The following ITPR2 variants were observed in gnomAD, a reference collection of about 807,000 sequenced individuals.
ITPR2 encodes the protein inositol 1,4,5-trisphosphate receptor type 2.
Under a neutral mutation model 317.1 loss-of-function variants are expected in ITPR2, and 207 were observed. The observed-to-expected ratio is 0.65, with a 90% CI of 0.58 to 0.73. The LOEUF is 0.73. ITPR2 is among the 30% of genes least tolerant of loss of function. The pLI is 0.00. For synonymous variants in ITPR2, 1,156 were observed against 1,149.1 expected (o/e 1.01, Z -0.12); for missense variants, 2,613 against 3,284.0 (o/e 0.80, Z 4.99).
intron 32 of ITPR2, among the ~76,000 whole-genome samples, chr12:26,587,119 A>G (rs73087296): frequency 0.22 from 33,539 of 150,836 alleles, 4,865 homozygotes; most frequent in Non-Finnish European, 0.32. Flanking sequence ...TTTGTTTTCA[A>G]ATCCACTTTT....
chr12:26,508,126 T>C (rs1428368618), intron 37 of ITPR2, among the ~76,000 whole-genome samples: 1 of 152,216 alleles, frequency 6.6e-6, no homozygotes, highest in Non-Finnish European at 1.5e-5. Context: ...CTGCATGTTT[T>C]AACATTTCTA....
At chr12:26,756,667 A>G (rs1458973346) in intron 2 of ITPR2, among the ~76,000 whole-genome samples, 1 of 152,162 alleles carries the variant, frequency 6.6e-6, no homozygotes, top group African/African-American at 2.4e-5. Context: ...CCCTGAACAC[A>G]AGAGATGCTA....
At chr12:26,456,516 C>A (rs1405437138) in intron 45 of ITPR2, among the ~76,000 whole-genome samples, 1 of 152,162 alleles carries the variant, frequency 6.6e-6, no homozygotes, top group African/African-American at 2.4e-5. Context: ...CAACCAGCTG[C>A]CCTCGGTGCT....
At chr12:26,468,034 G>A (rs1942210278) in intron 45 of ITPR2, among the ~76,000 whole-genome samples, 1 of 152,126 alleles carries the variant, frequency 6.6e-6, no homozygotes, top group South Asian at 2.1e-4. Context: ...ATGACACAAA[G>A]AACAATTCCA....
intron 55 of ITPR2, among the ~76,000 whole-genome samples, chr12:26,387,092 T>C (rs974470995): frequency 1.1e-4 from 16 of 152,188 alleles, no homozygotes; most frequent in Admixed American, 1.0e-3. Context: ...TATTTAACAA[T>C]GGGAAAGTTC....
intron 26 of ITPR2, among the ~76,000 whole-genome samples, chr12:26,604,871 G>A (rs1946085968): frequency 6.6e-6 from 1 of 152,030 alleles, no homozygotes; most frequent in South Asian, 2.1e-4. Flanking sequence ...CAAGGCAGGT[G>A]GATCACAAGG....
chr12:26,499,614 G>A (rs1372034015), intron 37 of ITPR2, among the ~76,000 whole-genome samples: 1 of 152,144 alleles, frequency 6.6e-6, no homozygotes, highest in African/African-American at 2.4e-5. Context: ...GTTGTACATT[G>A]TTGATGTTAT....
At chr12:26,372,552 C>T (rs7974661) in intron 55 of ITPR2, among the ~76,000 whole-genome samples, 29,369 of 152,146 alleles carry the variant, frequency 0.19, 2,934 homozygotes, top group Middle Eastern at 0.23. Flanking sequence ...ACCACCACAT[C>T]GCACTGTGTC....
chr12:26,654,792 G>C (rs759303747), intron 20 of ITPR2, among the ~76,000 whole-genome samples: 1 of 152,204 alleles, frequency 6.6e-6, no homozygotes, highest in Non-Finnish European at 1.5e-5. Flanking sequence ...ATGGCAGGAA[G>C]CTGAGGTGCC....
At chr12:26,403,488 C>A (rs917157559) in intron 52 of ITPR2, among the ~76,000 whole-genome samples, 1 of 152,114 alleles carries the variant, frequency 6.6e-6, no homozygotes, top group Admixed American at 6.5e-5. Context: ...CATGGTGATA[C>A]ACGTGTGTAG....
intron 26 of ITPR2, among the ~76,000 whole-genome samples, chr12:26,616,581 TACC>T: frequency 6.6e-6 from 1 of 152,336 alleles, no homozygotes; most frequent in South Asian, 2.1e-4. Context: ...AAGAAAATTA[TACC>T]ACCAATTTTT....
At chr12:26,552,919 C>A (rs544874071) in intron 36 of ITPR2, among the ~76,000 whole-genome samples, 2 of 152,130 alleles carry the variant, frequency 1.3e-5, no homozygotes, top group South Asian at 4.1e-4. Flanking sequence ...CCACTTGCTA[C>A]AGATTTATAA....
rs534675212 is a variant in ITPR2, at chr12:26,495,237, A to G, written c.5097T>C (p.Leu1699=). 80 of 1,597,142 alleles carry G rather than the reference A, an allele frequency of 5.0e-5. 2 individuals carry two copies. The South Asian group carries it at 8.5e-4, about 17-fold the overall frequency. ...VEEGNTLRKI[L]LNRYFKGDYS... is the part of the protein sequence containing the mutation. ...AATCACCTTTAAAGTATCGATTCAG[A>G]AGTATCTTTCTTAATGTGTTACCCT... Residue 1699 remains leucine, a synonymous_variant, in exon 38 of 57, where the codon CTT becomes CTC. Coordinates refer to ENST00000381340, the MANE Select transcript of ITPR2 (RefSeq NM_002223.4).
rs528070924 is a variant in ITPR2 at position 26,339,167 on chromosome 12, T to G, written c.*230A>C. On this transcript the variant is annotated 3_prime_UTR_variant, in exon 57 of 57. Coordinates refer to ENST00000381340, the MANE Select transcript of ITPR2 (RefSeq NM_002223.4). The stretch of plus-strand genomic sequence containing the variant: ...GGCAAGCCTTTTCTTCCTGATGCAT[T>G]GCGAATGTGTGATGTACGCTTTCTA... 2.3e-4 allele frequency: 105 copies of G among 465,760 alleles called. No individual in the cohort carries two copies. The highest frequency in any genetic ancestry group is 3.8e-4 in the Admixed American group (10 of 26,006). 28.9% of individuals were successfully genotyped at this position (465,760 alleles called of 1,614,324 possible). A position where few individuals can be genotyped will look rare whatever the true frequency, so the allele number is the denominator to read the frequency against.
rs747957747 is a variant in ITPR2, at chr12:26,436,248, A to G, written c.6742T>C (p.Tyr2248His). Residue 2248 changes from tyrosine (Y) to histidine (H), a missense_variant, in exon 48 of 57, where the codon TAC (tyrosine) becomes CAC (histidine). This residue lies in a region of ITPR2 where 926 missense variants were observed against 1,072.8 expected (regional missense o/e 0.86). Coordinates refer to ENST00000381340, the MANE Select transcript of ITPR2 (RefSeq NM_002223.4). ...TCATCTCCATCATCCCCAAATGGGT[A>G]GAAGAGAGCAACAGCTAAATTGATG... is the stretch of plus-strand genomic sequence containing the variant. ...VFINLAVALF[Y>H]PFGDDGDEGT... The G allele has an allele frequency of 6.2e-7, 1 of 1,611,654 alleles. No homozygotes were observed. The highest frequency in any genetic ancestry group is 8.5e-7 in the Non-Finnish European group (1 of 1,179,058).
intron 21 of ITPR2, among the ~76,000 whole-genome samples, chr12:26,645,104 T>G (rs1207909429): frequency 1.3e-5 from 2 of 152,190 alleles, no homozygotes; most frequent in East Asian, 3.8e-4. Flanking sequence ...TTCCCTCCCA[T>G]TCTACTGGTG....
intron 1 of ITPR2, among the ~76,000 whole-genome samples, chr12:26,805,991 T>C (rs1414127099): frequency 1.3e-5 from 2 of 152,020 alleles, no homozygotes; most frequent in African/African-American, 4.8e-5. Context: ...TGAGAATAGA[T>C]AGACTGGTGG....
intron 50 of ITPR2, among the ~76,000 whole-genome samples, chr12:26,416,408 A>C (rs937580460): frequency 5.3e-5 from 8 of 152,196 alleles, no homozygotes; most frequent in African/African-American, 1.9e-4. Context: ...GGAAATGAAT[A>C]GTATTTTTAA....
intron 1 of ITPR2, among the ~76,000 whole-genome samples, chr12:26,816,804 C>T (rs1051323419): frequency 6.6e-6 from 1 of 151,890 alleles, no homozygotes. Flanking sequence ...TGGAAATCCA[C>T]ATAATAAACA....
Sources: allele counts gnomAD v4.1 joint callset (sites outside exome capture counted in the v4.1 genomes callset), GRCh38; gene constraint gnomAD v4.1.1; regional missense constraint gnomAD v4.1.1; transcripts MANE v1.5; gene names NCBI Gene and HGNC (gene_info 2026-07-23, HGNC 2026-07-21).